Variants in TOGARAM2 observed in about 807,000 individuals in gnomAD.
The protein encoded by TOGARAM2 is TOG array regulator of axonemal microtubules 2, also known as TOG array regulator of axonemal microtubules protein 2.
In TOGARAM2, 85 loss-of-function variants were observed where a neutral mutation model predicts 93.3. The ratio of observed to expected loss-of-function variants is 0.91; its 90% CI spans 0.76 to 1.09. TOGARAM2 has a LOEUF of 1.09. Ranked by LOEUF, TOGARAM2 falls within the 50% of genes least tolerant of loss-of-function variation. The pLI is 0.00. For synonymous variants in TOGARAM2, 593 were observed against 552.8 expected (o/e 1.07, Z -1.02); for missense variants, 1,277 against 1,334.5 (o/e 0.96, Z 0.67).
chr2:28,975,720 A>C (rs1672017554), intron 1 of TOGARAM2, among the ~76,000 whole-genome samples: 1 of 151,854 alleles, frequency 6.6e-6, no homozygotes, highest in African/African-American at 2.4e-5. Context: ...TTGTGTTGTG[A>C]GATTCTAGGT....
chr2:29,005,791 C>A (rs1321056310), intron 6 of TOGARAM2, among the ~76,000 whole-genome samples: 4 of 90,408 alleles, frequency 4.4e-5, no homozygotes, highest in Admixed American at 1.2e-4. Context: ...TCTGTGTGTG[C>A]ATGTGTATGA....
chr2:28,957,863 G>C (rs1020715359), intron 1 of TOGARAM2, among the ~76,000 whole-genome samples: 1 of 152,088 alleles, frequency 6.6e-6, no homozygotes, highest in Non-Finnish European at 1.5e-5. Flanking sequence ...CTCACAGCTG[G>C]GTGTTCAGGG....
At chr2:29,017,100 G>A (rs1664622488) in intron 8 of TOGARAM2, 54 bp from the exon 9 acceptor site, 2 of 1,584,086 alleles carry the variant, frequency 1.3e-6, no homozygotes, top group Non-Finnish European at 1.7e-6. Flanking sequence ...ATGATTGAAT[G>A]TTGATGATTG....
chr2:28,960,296 T>C (rs530450086), intron 1 of TOGARAM2, among the ~76,000 whole-genome samples: 21 of 152,346 alleles, frequency 1.4e-4, no homozygotes, highest in Admixed American at 1.2e-3. Context: ...CTGCAATAAC[T>C]ACAATACCAT....
intron 1 of TOGARAM2, among the ~76,000 whole-genome samples, chr2:28,972,867 G>T (rs565108429): frequency 6.6e-6 from 1 of 152,332 alleles, no homozygotes; most frequent in African/African-American, 2.4e-5. Context: ...GAAAGTTGCT[G>T]TCTGGCTTTT....
At chr2:29,035,266 G>A (rs1185432177) in intron 16 of TOGARAM2, among the ~76,000 whole-genome samples, 198 bp from the exon 17 acceptor site, 1 of 152,112 alleles carries the variant, frequency 6.6e-6, no homozygotes, top group Non-Finnish European at 1.5e-5. Flanking sequence ...GGTAGGAAGA[G>A]AGAGCCCTGG....
rs533607134 is a variant in TOGARAM2, at chr2:28,962,007, C to T, written c.-147+5310C>T. 1.2e-4 allele frequency among the ~76,000 whole-genome samples: 18 copies of T among 152,064 alleles called. No homozygotes were observed. In the South Asian group the frequency reaches 3.7e-3, roughly 32 times the overall value. On this transcript the variant is annotated intron_variant, in intron 1 of 6. Transcript: ENST00000401723. Reference sequence around the variant, plus strand: ...TGACATTTATCATTGATGGGATTTGCTTGTTTAATATGACTATAGTCAGAA... The same window carrying T: ...TGACATTTATCATTGATGGGATTTGTTTGTTTAATATGACTATAGTCAGAA...
chr2:28,966,798 CCA>C (rs1476537408), intron 1 of TOGARAM2, among the ~76,000 whole-genome samples: 2 of 152,098 alleles, frequency 1.3e-5, no homozygotes, highest in East Asian at 1.9e-4. Flanking sequence ...ATCATCTGCA[CCA>C]CATGATGGTT....
chr2:29,005,441 G>C (rs1673675288), intron 6 of TOGARAM2, among the ~76,000 whole-genome samples: 1 of 149,778 alleles, frequency 6.7e-6, no homozygotes, highest in African/African-American at 2.5e-5. Context: ...GTGCGTGAGT[G>C]CATGTATGTG....
At chr2:29,029,717 C>T (rs1665642033) in intron 14 of TOGARAM2, among the ~76,000 whole-genome samples, 1 of 148,698 alleles carries the variant, frequency 6.7e-6, no homozygotes, top group Non-Finnish European at 1.5e-5. Context: ...GATCGCGCCA[C>T]TGCACTCCAG....
At chr2:29,034,238 C>G (rs983040070) in intron 16 of TOGARAM2, among the ~76,000 whole-genome samples, 2 of 152,206 alleles carry the variant, frequency 1.3e-5, no homozygotes, top group Non-Finnish European at 2.9e-5. Flanking sequence ...ATTCATGCCC[C>G]TCCACATCCT....
At chr2:29,045,830 C>T (rs990009230) in intron 19 of TOGARAM2, 8 of 263,566 alleles carry the variant, frequency 3.0e-5, no homozygotes, top group African/African-American at 1.8e-4. Flanking sequence ...AGCCGAAGTA[C>T]TTCTGGTACC....
intron 3 of TOGARAM2, among the ~76,000 whole-genome samples, chr2:28,998,912 C>T (rs978503363): frequency 3.3e-5 from 5 of 152,104 alleles, no homozygotes; most frequent in African/African-American, 7.2e-5. Context: ...CTATGATTCA[C>T]GGCCTCTTGT....
chr2:28,964,638 C>A (rs527549755), intron 1 of TOGARAM2, among the ~76,000 whole-genome samples: 1 of 150,830 alleles, frequency 6.6e-6, no homozygotes, highest in South Asian at 2.2e-4. Flanking sequence ...TCTCCCTCCC[C>A]CCACCCAACC....
At chr2:29,027,035 G>A in intron 14 of TOGARAM2, 24 bp downstream of exon 14, 2 of 1,533,176 alleles carry the variant, frequency 1.3e-6, no homozygotes, top group Non-Finnish European at 1.8e-6. Context: ...AGGGGCCTGG[G>A]GGCAGAGAAG....
rs141848946 is a variant in TOGARAM2 at position 29,036,543 on chromosome 2, C to T, written c.2421C>T (p.Val807=). 6.7e-4 allele frequency: 1,088 copies of T among 1,613,938 alleles called. 9 individuals are homozygous for T. In the Middle Eastern group the frequency reaches 7.3e-3, roughly 11 times the overall value. ...CTTGGTTTCTGTTTCTTCAATAGGT[C>T]TTTGATGCTTTCACCCCAAGGCTTC... ...TELVTAHLVQ[V]FDAFTPRLQD... is the part of the protein sequence containing the mutation. The change falls in exon 18 of 20, where the codon GTC becomes GTT. Residue 807 remains valine, a splice_region_variant and synonymous_variant. Coordinates refer to ENST00000379558, the MANE Select transcript of TOGARAM2 (RefSeq NM_199280.4).
chr2:29,029,528 T>G (rs377517446), intron 14 of TOGARAM2, among the ~76,000 whole-genome samples: 2 of 151,754 alleles, frequency 1.3e-5, no homozygotes, highest in East Asian at 3.9e-4. Context: ...AGGCCGAGGC[T>G]GGCAGATCAC....
At chr2:29,006,340 ATGTG>A (rs770548346) in intron 6 of TOGARAM2, among the ~76,000 whole-genome samples, 13 of 116,252 alleles carry the variant, frequency 1.1e-4, no homozygotes, top group Middle Eastern at 0.015. Flanking sequence ...ATGTGTGTGT[ATGTG>A]TGTATGTGTG....
At chr2:28,964,942 A>G (rs888039394) in intron 1 of TOGARAM2, among the ~76,000 whole-genome samples, 4 of 152,216 alleles carry the variant, frequency 2.6e-5, no homozygotes, top group African/African-American at 4.8e-5. Context: ...TAGTGCTGCA[A>G]TGAACATATG....
Sources: allele counts gnomAD v4.1 joint callset (sites outside exome capture counted in the v4.1 genomes callset), GRCh38; gene constraint gnomAD v4.1.1; transcripts MANE v1.5; gene names NCBI Gene and HGNC (gene_info 2026-07-23, HGNC 2026-07-21).